Variants in CCDC149 observed in about 807,000 individuals in gnomAD.
CCDC149 encodes the protein coiled-coil domain-containing protein 149.
A neutral mutation model predicts 59.9 loss-of-function variants in CCDC149; 45 were observed. The ratio of observed to expected loss-of-function variants is 0.75; its 90% CI spans 0.59 to 0.96. The LOEUF (loss-of-function observed/expected upper bound fraction) is 0.96. Ranked by LOEUF, CCDC149 falls within the 40% of genes least tolerant of loss-of-function variation. The pLI, the probability that CCDC149 is intolerant of heterozygous loss-of-function variation, is 0.00. For synonymous variants in CCDC149, 245 were observed against 260.6 expected (o/e 0.94, Z 0.58); for missense variants, 584 against 664.7 (o/e 0.88, Z 1.33).
intron 4 of CCDC149, among the ~76,000 whole-genome samples, chr4:24,841,983 A>G (rs1443342670): frequency 6.6e-6 from 1 of 152,208 alleles, no homozygotes; most frequent in Non-Finnish European, 1.5e-5. Flanking sequence ...CTGGAGAGTG[A>G]GGGGTGACAG....
chr4:24,901,164 G>A (rs1206685918), intron 1 of CCDC149, among the ~76,000 whole-genome samples: 1 of 152,176 alleles, frequency 6.6e-6, no homozygotes, highest in African/African-American at 2.4e-5. Flanking sequence ...GAAGAGAGTG[G>A]ACCAGAAGAG....
intron 12 of CCDC149, among the ~76,000 whole-genome samples, chr4:24,810,754 C>A (rs963953709): frequency 1.3e-5 from 2 of 152,196 alleles, no homozygotes; most frequent in Non-Finnish European, 2.9e-5. Flanking sequence ...TTCACACCAT[C>A]ACTCAAAATT....
At chr4:24,833,073 T>C (rs1279829286) in intron 8 of CCDC149, among the ~76,000 whole-genome samples, 1 of 152,166 alleles carries the variant, frequency 6.6e-6, no homozygotes, top group Non-Finnish European at 1.5e-5. Flanking sequence ...ACCGAGTGGC[T>C]GTTCTTCAAG....
intron 1 of CCDC149, among the ~76,000 whole-genome samples, chr4:24,885,101 G>C (rs931896660): frequency 6.6e-6 from 1 of 152,178 alleles, no homozygotes; most frequent in African/African-American, 2.4e-5. Flanking sequence ...GTGGAGGGTG[G>C]GAGTACAAGC....
intron 9 of CCDC149, chr4:24,829,493 G>C (rs1715991987): frequency 6.6e-6 from 1 of 152,134 alleles, no homozygotes; most frequent in African/African-American, 2.4e-5. Flanking sequence ...TGAGACAGTG[G>C]AGAAGGCTGG....
chr4:24,843,228 T>C lies in CCDC149; in HGVS notation c.373-4956A>G, dbSNP rs568977625. Reference sequence around the variant, plus strand: ...AATTCTTACACAGTAGCTGTCAATTTGCCAGAGCTATCGAGAGGGTCAGAT... The same window carrying C: ...AATTCTTACACAGTAGCTGTCAATTCGCCAGAGCTATCGAGAGGGTCAGAT... On this transcript the variant is annotated intron_variant, in intron 4 of 12. Coordinates refer to ENST00000635206, the MANE Select transcript of CCDC149 (RefSeq NM_001330643.2). Among the ~76,000 whole-genome samples, 8 of 152,360 alleles carry C rather than the reference T, an allele frequency of 5.3e-5. No individual in the cohort carries two copies. In the South Asian group the frequency reaches 1.4e-3, roughly 28 times the overall value.
chr4:24,809,118 C>A (rs910241812), intron 12 of CCDC149, among the ~76,000 whole-genome samples: 1 of 152,108 alleles, frequency 6.6e-6, no homozygotes, highest in Admixed American at 6.5e-5. Context: ...CTCTAATGGC[C>A]GCTCCTTGTG....
chr4:24,917,248 C>T (rs569271002), upstream of CCDC149, among the ~76,000 whole-genome samples: 2 of 152,314 alleles, frequency 1.3e-5, no homozygotes, highest in Non-Finnish European at 2.9e-5. Context: ...CCCTGCCCAG[C>T]GGCAAACAGT....
intron 1 of CCDC149, among the ~76,000 whole-genome samples, chr4:24,961,532 A>G (rs1293841280): frequency 1.3e-5 from 2 of 152,202 alleles, no homozygotes; most frequent in African/African-American, 4.8e-5. Context: ...ACAAAGCTGG[A>G]GGCATCATGC....
chr4:24,808,618 G>A lies in CCDC149; in HGVS notation c.1394C>T (p.Thr465Ile). The A allele has an allele frequency of 6.4e-7, 1 of 1,552,308 alleles. No homozygotes were observed. Among genetic ancestry groups the A allele is most frequent in the Middle Eastern group, 1.7e-4 (1 of 5,998 alleles). ...CAGTTCTGCAGCTGCCTGTTCCTTT[G>A]TCAGTTTAATTATTTCCCTCCCAAG... Residue 465 changes from threonine (T) to isoleucine (I), a missense_variant, in exon 13 of 13, where the codon ACA (threonine) becomes ATA (isoleucine). By Grantham distance (89) the Thr-to-Ile change is moderately conservative (BLOSUM62 -1). Transcript: ENST00000635206.
At chr4:24,964,368 A>G (rs1309440928) in intron 1 of CCDC149, among the ~76,000 whole-genome samples, 1 of 152,180 alleles carries the variant, frequency 6.6e-6, no homozygotes, top group Non-Finnish European at 1.5e-5. Context: ...TAAACTGACA[A>G]AAATGAACAG....
At chr4:24,873,816 T>TGGGGGGCC in intron 2 of CCDC149, 97 bp from the exon 3 acceptor site, 1 of 762,694 alleles carries the variant, frequency 1.3e-6, no homozygotes, top group Non-Finnish European at 2.2e-6. Flanking sequence ...ATGTAGACTC[T>TGGGGGGCC]CCCCACCCTC....
At chr4:24,873,636 T>C in intron 3 of CCDC149, 45 bp downstream of exon 3, 3 of 1,294,384 alleles carry the variant, frequency 2.3e-6, no homozygotes, top group Non-Finnish European at 2.2e-6. Context: ...TCCCAATTGC[T>C]GCTAGGTATC....
intron 12 of CCDC149, among the ~76,000 whole-genome samples, chr4:24,810,679 G>C (rs1021421464): frequency 1.3e-5 from 2 of 152,144 alleles, no homozygotes; most frequent in Non-Finnish European, 2.9e-5. Context: ...TGTAAATGTT[G>C]AATGAAAATG....
chr4:24,834,265 G>C (rs577541869), intron 8 of CCDC149, among the ~76,000 whole-genome samples: 8 of 152,098 alleles, frequency 5.3e-5, no homozygotes, highest in Admixed American at 1.3e-4. Flanking sequence ...AAGTGGGCCA[G>C]CTGAGCATAT....
chr4:24,862,768 T>C (rs1398181027), intron 3 of CCDC149, among the ~76,000 whole-genome samples: 1 of 152,220 alleles, frequency 6.6e-6, no homozygotes, highest in African/African-American at 2.4e-5. Context: ...CAATTCGTCA[T>C]CACTCAAAGC....
intron 1 of CCDC149, among the ~76,000 whole-genome samples, chr4:24,964,387 G>A (rs1368392819): frequency 6.6e-6 from 1 of 152,102 alleles, no homozygotes; most frequent in African/African-American, 2.4e-5. Context: ...AGAACCAACT[G>A]TGTTCCTGGC....
Position 24,881,047 on chromosome 4 carries a change from T to C in CCDC149, c.64-4350A>G, listed in dbSNP as rs139017245. ...TTGAGCACCCAAAACTTGCTTTCTC[T>C]GCCTTGTCTAAGACAGAGCTGGCTC... On this transcript the variant is annotated intron_variant, in intron 1 of 12. Transcript: ENST00000635206. Among the ~76,000 whole-genome samples, 463 of 152,324 alleles carry C rather than the reference T, an allele frequency of 3.0e-3. 5 individuals carry two copies. Among genetic ancestry groups the C allele is most frequent in the African/African-American group, 0.011 (439 of 41,574 alleles).
intron 1 of CCDC149, among the ~76,000 whole-genome samples, chr4:24,930,287 G>T (rs1303356363): frequency 6.6e-6 from 1 of 152,232 alleles, no homozygotes; most frequent in African/African-American, 2.4e-5. Flanking sequence ...AGAGCCAGGA[G>T]ACTGAAAGAG....
Sources: allele counts gnomAD v4.1 joint callset (sites outside exome capture counted in the v4.1 genomes callset), GRCh38; gene constraint gnomAD v4.1.1; transcripts MANE v1.5; gene names NCBI Gene and HGNC (gene_info 2026-07-23, HGNC 2026-07-21).